The following NBEA variants were observed in gnomAD, a reference collection of about 807,000 sequenced individuals.
The protein encoded by NBEA is neurobeachin.
In NBEA, 44 loss-of-function variants were observed where a neutral mutation model predicts 343.4. The ratio of observed to expected loss-of-function variants is 0.13; its 90% CI spans 0.10 to 0.16. The LOEUF is 0.16. NBEA is among the 10% of genes least tolerant of loss of function. NBEA has a pLI of 1.00. For synonymous variants in NBEA, 1,175 were observed against 1,238.7 expected (o/e 0.95, Z 1.08); for missense variants, 2,555 against 3,631.3 (o/e 0.70, Z 7.62).
At chr13:34,952,280 C>T (rs1343751170) in intron 1 of NBEA, among the ~76,000 whole-genome samples, 1 of 152,108 alleles carries the variant, frequency 6.6e-6, no homozygotes, top group East Asian at 1.9e-4. Flanking sequence ...GGGAATGTGT[C>T]CCATAGACAA....
intron 10 of NBEA, among the ~76,000 whole-genome samples, chr13:35,071,423 G>C (rs1391633381): frequency 6.6e-6 from 1 of 151,770 alleles, no homozygotes; most frequent in African/African-American, 2.4e-5. Flanking sequence ...CTTCTAATGA[G>C]TGTGATTTCA....
At chr13:35,025,099 A>G (rs1366889906) in intron 1 of NBEA, among the ~76,000 whole-genome samples, 1 of 152,182 alleles carries the variant, frequency 6.6e-6, no homozygotes, top group East Asian at 1.9e-4. Flanking sequence ...CATAGTTTGC[A>G]AATATTTTCT....
At chr13:35,428,377 C>T in intron 38 of NBEA, among the ~76,000 whole-genome samples, 1 of 152,178 alleles carries the variant, frequency 6.6e-6, no homozygotes, top group East Asian at 1.9e-4. Context: ...TGTTGTGCTC[C>T]ACAGATCCCT....
At chr13:35,008,663 TA>T (rs1174259784) in intron 1 of NBEA, among the ~76,000 whole-genome samples, 2 of 152,102 alleles carry the variant, frequency 1.3e-5, no homozygotes, top group African/African-American at 4.8e-5. Context: ...TCCATTACAT[TA>T]AAAAGAAACC....
intron 38 of NBEA, among the ~76,000 whole-genome samples, chr13:35,406,091 A>G (rs758958211): frequency 9.9e-5 from 15 of 152,164 alleles, no homozygotes; most frequent in African/African-American, 3.6e-4. Flanking sequence ...TGAAAATGCA[A>G]TTCCACATTT....
Position 35,156,192 on chromosome 13 carries a change from C to T in NBEA, c.2637C>T (p.Ser879=), listed in dbSNP as rs746189790. The change falls in exon 20 of 59, where the codon AGC becomes AGT. Residue 879 remains serine (S), a synonymous_variant. Coordinates refer to ENST00000379939, the MANE Select transcript of NBEA (RefSeq NM_001385012.1). ...ATATGATAAAACTTTTCAGTAACAG[C>T]CGTGAAAATAGAAGGTAAGCAGTTT... ...LSDMIKLFSN[S]RENRRCLLQC... 5 of 1,583,674 alleles carry T rather than the reference C, an allele frequency of 3.2e-6. No homozygotes were observed. Among genetic ancestry groups the T allele is most frequent in the Middle Eastern group, 1.7e-4 (1 of 5,998 alleles).
chr13:35,321,622 C>T (rs1251482226), intron 36 of NBEA, among the ~76,000 whole-genome samples: 2 of 152,214 alleles, frequency 1.3e-5, no homozygotes, highest in African/African-American at 4.8e-5. Context: ...AGCTGGAGCA[C>T]TGTGCTTGGA....
chr13:35,047,777 A>T (rs1290330898), intron 4 of NBEA, among the ~76,000 whole-genome samples: 1 of 13,646 alleles, frequency 7.3e-5, no homozygotes, highest in Non-Finnish European at 2.0e-4. Flanking sequence ...GTTGTATTTG[A>T]GAAAGGCCAT....
chr13:35,363,580 G>A (rs1015527201), intron 38 of NBEA, among the ~76,000 whole-genome samples: 3 of 151,770 alleles, frequency 2.0e-5, no homozygotes, highest in Non-Finnish European at 4.4e-5. Flanking sequence ...GAGAAGATAA[G>A]GGAATTCTCA....
chr13:35,249,408 A>G (rs771466601), intron 34 of NBEA, among the ~76,000 whole-genome samples: 2 of 152,196 alleles, frequency 1.3e-5, no homozygotes, highest in African/African-American at 2.4e-5. Context: ...AAGAACTCTT[A>G]GAGTTGAACA....
intron 1 of NBEA, among the ~76,000 whole-genome samples, chr13:35,037,132 T>G (rs1314913230): frequency 6.6e-6 from 1 of 152,222 alleles, no homozygotes; most frequent in Admixed American, 6.5e-5. Flanking sequence ...TAGCCTTTCT[T>G]CAAGCTCATT....
At chr13:35,461,623 G>C (rs1421721198) in intron 40 of NBEA, among the ~76,000 whole-genome samples, 1 of 152,134 alleles carries the variant, frequency 6.6e-6, no homozygotes, top group Non-Finnish European at 1.5e-5. Flanking sequence ...TCAAATTATG[G>C]ATGTTAGCAA....
In NBEA at chr13:35,534,590, G is replaced by A. The variant is rs140814756; in HGVS notation, c.6586-15887G>A. On this transcript the variant is annotated intron_variant, in intron 41 of 58. Coordinates refer to ENST00000379939, the MANE Select transcript of NBEA (RefSeq NM_001385012.1). ...GAGTGCTCTGGACAGCCTCTTGCCT[G>A]TAGACATGTGACCTCTGTACTTGGA... 1.8e-3 allele frequency among the ~76,000 whole-genome samples: 270 copies of A among 152,294 alleles called. 1 individual carries two copies. Among genetic ancestry groups the A allele is most frequent in the Middle Eastern group, 3.4e-3 (1 of 294 alleles).
At chr13:35,638,243 A>T (rs1374482964) in intron 49 of NBEA, among the ~76,000 whole-genome samples, 1 of 152,226 alleles carries the variant, frequency 6.6e-6, no homozygotes, top group Non-Finnish European at 1.5e-5. Context: ...AATGGTTAAG[A>T]TGGTAAATTT....
chr13:34,992,952 G>C (rs572316098), intron 1 of NBEA, among the ~76,000 whole-genome samples: 1 of 151,882 alleles, frequency 6.6e-6, no homozygotes, highest in African/African-American at 2.4e-5. Context: ...CAAAGTGCTG[G>C]GATTACAGGC....
At chr13:35,368,004 A>C (rs1172609895) in intron 38 of NBEA, among the ~76,000 whole-genome samples, 1 of 151,500 alleles carries the variant, frequency 6.6e-6, no homozygotes, top group Non-Finnish European at 1.5e-5. Flanking sequence ...CCTTTCATTA[A>C]ATTTGATGTG....
At chr13:35,002,443 G>GCTCAT (rs907547943) in intron 1 of NBEA, among the ~76,000 whole-genome samples, 2 of 152,196 alleles carry the variant, frequency 1.3e-5, no homozygotes, top group Admixed American at 1.3e-4. Context: ...ATGAGGCTAT[G>GCTCAT]CTTGAGAGGC....
At chr13:35,590,822 G>C (rs1041204555) in intron 46 of NBEA, among the ~76,000 whole-genome samples, 4 of 152,058 alleles carry the variant, frequency 2.6e-5, no homozygotes, top group African/African-American at 4.8e-5. Flanking sequence ...AAACCTACTA[G>C]TAGTTAAGAA....
intron 33 of NBEA, among the ~76,000 whole-genome samples, chr13:35,226,538 A>T (rs1205531094): frequency 2.0e-5 from 3 of 152,112 alleles, no homozygotes; most frequent in Admixed American, 6.6e-5. Context: ...TTTAAGATAC[A>T]ATTAGCCTTA....
Sources: allele counts gnomAD v4.1 joint callset (sites outside exome capture counted in the v4.1 genomes callset), GRCh38; gene constraint gnomAD v4.1.1; transcripts MANE v1.5; gene names NCBI Gene and HGNC (gene_info 2026-07-23, HGNC 2026-07-21).